NCKAP1: variants seen among roughly 807,000 people sequenced by gnomAD.
NCKAP1 encodes nck-associated protein 1.
Under a neutral mutation model 151.2 loss-of-function variants are expected in NCKAP1, and 21 were observed. That is an observed-to-expected ratio of 0.14 (90% confidence interval 0.10 to 0.20). The LOEUF is 0.20. Ranked by LOEUF, NCKAP1 falls within the 10% of genes least tolerant of loss-of-function variation. The probability of loss-of-function intolerance (pLI) is 1.00; values close to 1 mark genes in which losing one functional copy is unlikely to be tolerated. For missense variants in NCKAP1, 933 were observed against 1,352.1 expected, an observed-to-expected ratio of 0.69 and a Z score of 4.86; for synonymous variants, 484 against 451.8, an observed-to-expected ratio of 1.07 and a Z score of -0.90.
At position 182,923,829 on chromosome 2, in the gene NCKAP1, C is replaced by T. The variant is rs937940880; in HGVS notation, c.*1873G>A. On this transcript the variant is annotated 3_prime_UTR_variant, in exon 31 of 31. Transcript: ENST00000361354. ...GTTACCTTTGCCACGCCTCCTCCCC[C>T]GCCTTTGCTGTATGAGAAAAAATTT... The T allele has an allele frequency of 2.0e-5, 3 of 152,152 alleles. No homozygotes were observed. Among genetic ancestry groups the T allele is most frequent in the Non-Finnish European group, 4.4e-5 (3 of 68,028 alleles). The allele number at this position is 152,152 out of a possible 1,614,324, so 9.4% of individuals were successfully genotyped here.
intron 8 of NCKAP1, among the ~76,000 whole-genome samples, chr2:182,993,449 G>A (rs1354897740): frequency 6.6e-6 from 1 of 152,126 alleles, no homozygotes; most frequent in Admixed American, 6.6e-5. Flanking sequence ...ATTCCCCTGT[G>A]GCAGTGAGCC....
chr2:182,945,572 G>T (rs1179111849), intron 23 of NCKAP1, among the ~76,000 whole-genome samples: 1 of 152,142 alleles, frequency 6.6e-6, no homozygotes, highest in African/African-American at 2.4e-5. Flanking sequence ...TATTTTCAGA[G>T]GGATATTTGG....
In NCKAP1 at chr2:182,916,099, C is replaced by G. The variant is rs1182214670; in HGVS notation, c.*9603G>C. 1 of 151,152 alleles carries G rather than the reference C, an allele frequency of 6.6e-6. No homozygotes were observed. Among genetic ancestry groups the G allele is most frequent in the African/African-American group, 2.4e-5 (1 of 40,978 alleles). The allele number at this position is 151,152 out of a possible 1,614,324, so 9.4% of individuals were successfully genotyped here. ...CCCTGCTCCTGCTCCTCCCTCTCCC[C>G]CTCCCCCACTCCAACTCTCCTTTTC... On this transcript the variant is annotated 3_prime_UTR_variant, in exon 31 of 31. Transcript: ENST00000361354.
rs897956697 is a variant in NCKAP1 at position 182,916,100 on chromosome 2, C to G, written c.*9602G>C. 6 of 150,910 alleles carry G rather than the reference C, an allele frequency of 4.0e-5. No individual in the cohort carries two copies. 9.3% of individuals were successfully genotyped at this position (150,910 alleles called of 1,614,324 possible). On this transcript the variant is annotated 3_prime_UTR_variant, in exon 31 of 31. Coordinates refer to ENST00000361354, the MANE Select transcript of NCKAP1 (RefSeq NM_013436.5). ...CCTGCTCCTGCTCCTCCCTCTCCCCCTCCCCCACTCCAACTCTCCTTTTCC... is the reference window on the plus strand; with the variant it reads ...CCTGCTCCTGCTCCTCCCTCTCCCCGTCCCCCACTCCAACTCTCCTTTTCC...
intron 5 of NCKAP1, 36 bp downstream of exon 5, chr2:183,002,091 G>A: frequency 6.2e-7 from 1 of 1,612,096 alleles, no homozygotes; most frequent in East Asian, 2.2e-5. Context: ...CCATCAAACT[G>A]AGCATTTTAG....
intron 26 of NCKAP1, among the ~76,000 whole-genome samples, chr2:182,933,289 C>T (rs537952870): frequency 6.7e-6 from 1 of 149,522 alleles, no homozygotes; most frequent in South Asian, 2.1e-4. Context: ...AGTTAGCTCA[C>T]AGAATACCAT....
intron 23 of NCKAP1, among the ~76,000 whole-genome samples, chr2:182,942,799 T>G (rs749579907): frequency 1.3e-5 from 2 of 151,854 alleles, no homozygotes; most frequent in Non-Finnish European, 2.9e-5. Context: ...TATAACTCAT[T>G]GAAGAATGTT....
At position 182,909,847 on chromosome 2, in the gene NCKAP1, TC is replaced by T. The variant is rs1696360032; in HGVS notation, c.*15854del. On this transcript the variant is annotated 3_prime_UTR_variant, in exon 31 of 31. Coordinates refer to ENST00000361354, the MANE Select transcript of NCKAP1 (RefSeq NM_013436.5). ...CTTGGGTACTCCTAAGAAAAACACT[TC>T]CCTGGAATCCATTCTCAGCCACCGA... 6.6e-6 allele frequency: 1 copy of T among 152,148 alleles called. No homozygotes were observed. Among genetic ancestry groups the T allele is most frequent in the South Asian group, 2.1e-4 (1 of 4,818 alleles). The allele number at this position is 152,148 out of a possible 1,614,324, so 9.4% of individuals were successfully genotyped here. A position where few individuals can be genotyped will look rare whatever the true frequency, so the allele number is the denominator to read the frequency against.
intron 8 of NCKAP1, among the ~76,000 whole-genome samples, chr2:182,992,542 AAAC>A (rs1223795536): frequency 1.3e-5 from 2 of 152,210 alleles, no homozygotes; most frequent in Non-Finnish European, 2.9e-5. Context: ...CATAAGCACA[AAAC>A]AACTAATAAT....
At position 182,995,758 on chromosome 2, in the gene NCKAP1, C is replaced by T; in HGVS notation, c.684G>A (p.Gln228=). The T allele has an allele frequency of 6.2e-7, 1 of 1,613,758 alleles. No homozygotes were observed. Among genetic ancestry groups the T allele is most frequent in the Non-Finnish European group, 8.5e-7 (1 of 1,179,700 alleles). The change falls in exon 7 of 31, where the codon CAG becomes CAA. Residue 228 remains glutamine (Q), a synonymous_variant. Coordinates refer to ENST00000361354, the MANE Select transcript of NCKAP1 (RefSeq NM_013436.5). ...TAGGTGCACTGATGAGGCTCAATAA[C>T]TGGGCATTTCTCCACTGGTCAGCTG... The part of the protein sequence containing the change: ...NLSADQWRNA[Q]LLSLISAPST...
At chr2:182,926,128 AT>A (rs200459663) in intron 30 of NCKAP1, among the ~76,000 whole-genome samples, 1,865 of 150,130 alleles carry the variant, frequency 0.012, 29 homozygotes, top group Non-Finnish European at 0.018. Flanking sequence ...ATACAAAAAT[AT>A]TTTTTTTTTG....
At chr2:183,016,555 A>G (rs1698691915) in intron 2 of NCKAP1, among the ~76,000 whole-genome samples, 1 of 152,198 alleles carries the variant, frequency 6.6e-6, no homozygotes, top group African/African-American at 2.4e-5. Flanking sequence ...AGTTTCCATT[A>G]GGGCATATAT....
At position 183,038,311 on chromosome 2, in the gene NCKAP1, G is replaced by A. The variant is rs1372423991; in HGVS notation, c.-212C>T. 4 of 354,644 alleles carry A rather than the reference G, an allele frequency of 1.1e-5. No individual in the cohort carries two copies. Among genetic ancestry groups the A allele is most frequent in the African/African-American group, 2.2e-5 (1 of 46,404 alleles). 22.0% of individuals were successfully genotyped at this position (354,644 alleles called of 1,614,324 possible). The stretch of plus-strand genomic sequence containing the variant: ...AGCCCCTTCTCCCGCAGCAGCCCGC[G>A]CCCCGGCAGCCTCCTGCCTTCCGCC... On this transcript the variant is annotated 5_prime_UTR_variant, in exon 1 of 31. Coordinates refer to ENST00000361354, the MANE Select transcript of NCKAP1 (RefSeq NM_013436.5).
At chr2:182,974,584 A>C (rs1191538021) in intron 15 of NCKAP1, among the ~76,000 whole-genome samples, 1 of 152,206 alleles carries the variant, frequency 6.6e-6, no homozygotes, top group African/African-American at 2.4e-5. Context: ...CCTTTAGAGT[A>C]ATGCAACTAC....
At chr2:183,002,090 T>C in intron 5 of NCKAP1, 37 bp downstream of exon 5, 1 of 1,612,544 alleles carries the variant, frequency 6.2e-7, no homozygotes, top group Non-Finnish European at 8.5e-7. Flanking sequence ...TCCATCAAAC[T>C]GAGCATTTTA....
At chr2:183,016,578 T>C (rs1206699789) in intron 2 of NCKAP1, among the ~76,000 whole-genome samples, 1 of 152,186 alleles carries the variant, frequency 6.6e-6, no homozygotes, top group Non-Finnish European at 1.5e-5. Flanking sequence ...TTATTCATGA[T>C]GCTGTTACAA....
intron 20 of NCKAP1, 95 bp downstream of exon 20, chr2:182,956,367 G>T (rs1697328228): frequency 6.9e-7 from 1 of 1,454,796 alleles, no homozygotes. Context: ...CACTAATCCA[G>T]TTCTACTAAT....
chr2:182,961,665 C>T (rs941368640), intron 18 of NCKAP1, among the ~76,000 whole-genome samples: 6 of 151,940 alleles, frequency 3.9e-5, no homozygotes, highest in Admixed American at 6.6e-5. Flanking sequence ...ACCAACATGG[C>T]GTATGTATAC....
chr2:182,989,342 T>C (rs1216356848), intron 8 of NCKAP1, among the ~76,000 whole-genome samples, 156 bp from the exon 9 acceptor site: 1 of 152,218 alleles, frequency 6.6e-6, no homozygotes, highest in East Asian at 1.9e-4. Flanking sequence ...ACCATGGTAA[T>C]ACGTTTCTTT....
Sources: allele counts gnomAD v4.1 joint callset (sites outside exome capture counted in the v4.1 genomes callset), GRCh38; gene constraint gnomAD v4.1.1; transcripts MANE v1.5; gene names NCBI Gene and HGNC (gene_info 2026-07-23, HGNC 2026-07-21).